ECE1: variants seen among roughly 807,000 people sequenced by gnomAD.
ECE1 encodes the protein endothelin-converting enzyme 1.
In ECE1, 35 loss-of-function variants were observed where a neutral mutation model predicts 98.6. The ratio of observed to expected loss-of-function variants is 0.35; its 90% confidence interval spans 0.27 to 0.47. The LOEUF (loss-of-function observed/expected upper bound fraction) is 0.47. ECE1 is among the 20% of genes least tolerant of loss of function. The pLI is 1.00. For missense variants in ECE1, 814 were observed against 1,025.3 expected (o/e 0.79, Z 2.81); for synonymous variants, 394 against 407.1 (o/e 0.97, Z 0.39).
At chr1:21,268,018 C>G (rs571487123) in intron 4 of ECE1, among the ~76,000 whole-genome samples, 22 of 152,150 alleles carry the variant, frequency 1.4e-4, no homozygotes, top group Non-Finnish European at 2.6e-4. Flanking sequence ...ACAATGAGCA[C>G]GCATTGATTT....
intron 1 of ECE1, among the ~76,000 whole-genome samples, chr1:21,323,523 C>T (rs1253690403): frequency 1.3e-5 from 2 of 152,178 alleles, no homozygotes; most frequent in East Asian, 3.8e-4. Flanking sequence ...CTTTGGAAGG[C>T]TGAGATGGGA....
chr1:21,245,329 A>G (rs1376286829), intron 9 of ECE1, among the ~76,000 whole-genome samples: 1 of 152,238 alleles, frequency 6.6e-6, no homozygotes, highest in Non-Finnish European at 1.5e-5. Flanking sequence ...TGTTGAGTGC[A>G]GTCACTTGTA....
Position 21,290,259 on chromosome 1 carries a change from C to T in ECE1, c.52-103G>A, listed in dbSNP as rs1279674383. On this transcript the variant is annotated intron_variant, in intron 1 of 18. Coordinates refer to ENST00000374893, the MANE Select transcript of ECE1 (RefSeq NM_001397.3). This position sits in a 1 kb window ranked among gnomAD's most constrained non-coding sequence, Gnocchi z 7.3. ...CTGGCGCCGCCGCCGCCGCGCCCCGCCCCGGCCTGGACACCCGAGACCGAG... is the reference window on the plus strand; with the variant it reads ...CTGGCGCCGCCGCCGCCGCGCCCCGTCCCGGCCTGGACACCCGAGACCGAG... The T allele has an allele frequency of 4.4e-6, 6 of 1,364,760 alleles. No individual in the cohort carries two copies. Among genetic ancestry groups the T allele is most frequent in the Non-Finnish European group, 5.7e-6 (6 of 1,052,904 alleles). The allele number at this position is 1,364,760 out of a possible 1,614,324, so 84.5% of individuals were successfully genotyped here.
Position 21,219,854 on chromosome 1 carries a change from C to A in ECE1, c.*101G>T, listed in dbSNP as rs28368053. 6.7e-5 allele frequency: 99 copies of A among 1,487,438 alleles called. 1 individual carries two copies. In the African/African-American group the frequency reaches 1.3e-3, roughly 20 times the overall value. 92.1% of individuals were successfully genotyped at this position (1,487,438 alleles called of 1,614,324 possible). On this transcript the variant is annotated 3_prime_UTR_variant, in exon 19 of 19. Coordinates refer to ENST00000374893, the MANE Select transcript of ECE1 (RefSeq NM_001397.3). The surrounding 1 kb of genome is among the most constrained non-coding windows in gnomAD (Gnocchi z 4.5). Reference sequence around the variant, plus strand: ...AACCCGCCAGTGTGAGGAAGCAGGGCCCCGGGTGGCCAAGCGGGCTGAGCA... The same window carrying A: ...AACCCGCCAGTGTGAGGAAGCAGGGACCCGGGTGGCCAAGCGGGCTGAGCA...
upstream of ECE1, chr1:21,293,676 A>G (rs1638266189): frequency 6.6e-6 from 1 of 152,122 alleles, no homozygotes; most frequent in South Asian, 2.1e-4. Context: ...TCAGCCCGGT[A>G]GTGAAACTGA....
chr1:21,314,608 G>T (rs763598246), intron 1 of ECE1, among the ~76,000 whole-genome samples: 1 of 152,168 alleles, frequency 6.6e-6, no homozygotes, highest in African/African-American at 2.4e-5. Flanking sequence ...GAAATCAAGG[G>T]TCAGACAGCC....
At position 21,345,171 on chromosome 1, in the gene ECE1, C is replaced by A; in HGVS notation, c.3+205G>T. On this transcript the variant is annotated intron_variant, in intron 1 of 18. Transcript: ENST00000415912. The surrounding 1 kb of genome is among the most constrained non-coding windows in gnomAD (Gnocchi z 5.1). ...CTCGGCGCGGCCGCCCCCGACGGGACCAAGCGCAGCGCCGCCGGGAGAGCC... is the reference window on the plus strand; with the variant it reads ...CTCGGCGCGGCCGCCCCCGACGGGAACAAGCGCAGCGCCGCCGGGAGAGCC... The A allele has an allele frequency of 1.6e-6, 1 of 614,408 alleles. No individual in the cohort carries two copies. Among genetic ancestry groups the A allele is most frequent in the Non-Finnish European group, 2.2e-6 (1 of 459,436 alleles). 38.1% of individuals were successfully genotyped at this position (614,408 alleles called of 1,614,324 possible).
chr1:21,308,263 A>T (rs1638640877), intron 1 of ECE1, among the ~76,000 whole-genome samples: 1 of 152,050 alleles, frequency 6.6e-6, no homozygotes, highest in Non-Finnish European at 1.5e-5. Context: ...TGCTCTGGAG[A>T]TGGGCTGTCC....
Position 21,239,233 on chromosome 1 carries a change from G to C in ECE1, c.1279-989C>G, listed in dbSNP as rs375753508. 2.6e-5 allele frequency among the ~76,000 whole-genome samples: 4 copies of C among 152,272 alleles called. No individual in the cohort carries two copies. In the South Asian group the frequency reaches 6.2e-4, roughly 24 times the overall value. ...GCAAACCGGAAATAGGCGTCTGTGG[G>C]CTGCAACCTCCTGGGCATGGCCCAG... On this transcript the variant is annotated intron_variant, in intron 10 of 18. Coordinates refer to ENST00000374893, the MANE Select transcript of ECE1 (RefSeq NM_001397.3).
chr1:21,221,156 C>T (rs1486626694), intron 18 of ECE1, among the ~76,000 whole-genome samples: 2 of 152,232 alleles, frequency 1.3e-5, no homozygotes, highest in Admixed American at 6.5e-5. Flanking sequence ...AGATGAATGC[C>T]GACTGAAGGG....
intron 1 of ECE1, among the ~76,000 whole-genome samples, chr1:21,332,815 G>A (rs1460094262): frequency 7.1e-6 from 1 of 141,378 alleles, no homozygotes; most frequent in African/African-American, 2.7e-5. Flanking sequence ...AGGAGTTAGA[G>A]GGAAGGGGGC....
In ECE1 at chr1:21,219,822, G is replaced by A. The variant is rs867348639; in HGVS notation, c.*133C>T. ...GAGCCAACACCATGGGCTCGGTTCC[G>A]GCTGAAAACCCGCCAGTGTGAGGAA... On this transcript the variant is annotated 3_prime_UTR_variant, in exon 19 of 19. Transcript: ENST00000374893. This position sits in a 1 kb window ranked among gnomAD's most constrained non-coding sequence, Gnocchi z 4.5. 1.7e-5 allele frequency: 21 copies of A among 1,211,556 alleles called. No homozygotes were observed. The East Asian group carries it at 3.1e-4, about 18-fold the overall frequency. 75.1% of individuals were successfully genotyped at this position (1,211,556 alleles called of 1,614,324 possible).
chr1:21,218,581 A>C lies in ECE1; in HGVS notation c.*1374T>G, dbSNP rs1558358996. On this transcript the variant is annotated 3_prime_UTR_variant, in exon 19 of 19. Coordinates refer to ENST00000374893, the MANE Select transcript of ECE1 (RefSeq NM_001397.3). This position sits in a 1 kb window ranked among gnomAD's most constrained non-coding sequence, Gnocchi z 4.0. Reference sequence around the variant, plus strand: ...GGATTTGGGTCCTGCGGGAGGTGACAGCTGTTTCTCTTTTCTTTTTTTTGG... The same window carrying C: ...GGATTTGGGTCCTGCGGGAGGTGACCGCTGTTTCTCTTTTCTTTTTTTTGG... 6.6e-6 allele frequency: 1 copy of C among 152,334 alleles called. No homozygotes were observed. The highest frequency in any genetic ancestry group is 1.5e-5 in the Non-Finnish European group (1 of 68,292). 9.4% of individuals were successfully genotyped at this position (152,334 alleles called of 1,614,324 possible).
chr1:21,325,563 T>A (rs1279873995), intron 1 of ECE1, among the ~76,000 whole-genome samples: 1 of 152,234 alleles, frequency 6.6e-6, no homozygotes, highest in Non-Finnish European at 1.5e-5. Flanking sequence ...TCAGATGCTC[T>A]ACAGAAGCCT....
chr1:21,237,992 C>T (rs41497246), intron 11 of ECE1, 142 bp downstream of exon 11: 6 of 745,186 alleles, frequency 8.1e-6, no homozygotes, highest in Non-Finnish European at 1.2e-5. Flanking sequence ...GGAAGTGAAG[C>T]CTCTGCATTG....
intron 1 of ECE1, among the ~76,000 whole-genome samples, chr1:21,317,580 C>T (rs994519565): frequency 6.6e-6 from 1 of 152,242 alleles, no homozygotes; most frequent in African/African-American, 2.4e-5. Flanking sequence ...AGCCCCTCTA[C>T]TGCTCCCCAC....
intron 14 of ECE1, among the ~76,000 whole-genome samples, chr1:21,228,537 G>A (rs1476540569): frequency 6.6e-6 from 1 of 152,106 alleles, no homozygotes; most frequent in Non-Finnish European, 1.5e-5. Flanking sequence ...TGTAATCCCA[G>A]GACTTTGGGA....
intron 8 of ECE1, among the ~76,000 whole-genome samples, chr1:21,253,897 C>T (rs1200396502): frequency 2.0e-5 from 3 of 148,122 alleles, no homozygotes; most frequent in African/African-American, 7.5e-5. Flanking sequence ...GGTGAAACCC[C>T]GACTCTACTA....
intron 2 of ECE1, among the ~76,000 whole-genome samples, chr1:21,283,884 T>C (rs999895632): frequency 1.3e-5 from 2 of 152,254 alleles, no homozygotes; most frequent in African/African-American, 4.8e-5. Context: ...GTCTTGTTCT[T>C]TGCTTGACTT....
Sources: allele counts gnomAD v4.1 joint callset (sites outside exome capture counted in the v4.1 genomes callset), GRCh38; gene constraint gnomAD v4.1.1; non-coding constraint Gnocchi (gnomAD v3.1); transcripts MANE v1.5; gene names NCBI Gene and HGNC (gene_info 2026-07-23, HGNC 2026-07-21).